Variants in VIPR1 observed in about 807,000 individuals in gnomAD.
The protein encoded by VIPR1 is vasoactive intestinal peptide receptor 1.
Under a neutral mutation model 58.8 loss-of-function variants are expected in VIPR1, and 59 were observed. The observed-to-expected ratio is 1.00, with a 90% CI of 0.81 to 1.25. VIPR1 has a LOEUF of 1.25. Ranked by LOEUF, VIPR1 falls within the 50% of genes most tolerant of loss-of-function variation. The pLI is 0.00. For synonymous variants in VIPR1, 251 were observed against 242.1 expected (o/e 1.04, Z -0.34); for missense variants, 626 against 602.7 (o/e 1.04, Z -0.40).
At chr3:42,528,380 G>A (rs1701353069) in intron 6 of VIPR1, 1 of 527,602 alleles carries the variant, frequency 1.9e-6, no homozygotes, top group Non-Finnish European at 3.4e-6. Context: ...AAAGCAGATG[G>A]GAAATGGGAC....
At chr3:42,532,607 C>T in intron 10 of VIPR1, 1 of 552,148 alleles carries the variant, frequency 1.8e-6, no homozygotes, top group Non-Finnish European at 3.3e-6. Flanking sequence ...AGCCAGGGAG[C>T]TCAAGAGGAC....
At chr3:42,489,491 G>C (rs1699628912) in exon 1 of VIPR1, 1 of 152,288 alleles carries the variant, frequency 6.6e-6, no homozygotes, top group East Asian at 1.9e-4. Flanking sequence ...AACTACGTGG[G>C]TCAAGAGTAA....
At chr3:42,494,447 T>C (rs1031364320) in intron 1 of VIPR1, among the ~76,000 whole-genome samples, 1 of 152,248 alleles carries the variant, frequency 6.6e-6, no homozygotes, top group Non-Finnish European at 1.5e-5. Context: ...CTTATAAAAC[T>C]ATCTGAGCTT....
At chr3:42,533,203 A>G (rs1373195336) in intron 10 of VIPR1, 1 of 152,266 alleles carries the variant, frequency 6.6e-6, no homozygotes, top group Admixed American at 6.5e-5. Flanking sequence ...AAGGCCTTCC[A>G]GTCCTGGGAT....
intron 2 of VIPR1, among the ~76,000 whole-genome samples, chr3:42,518,821 A>G (rs1257705117): frequency 6.6e-6 from 1 of 152,248 alleles, no homozygotes; most frequent in Non-Finnish European, 1.5e-5. Flanking sequence ...TCACCTATAC[A>G]TATGCCCAGT....
intron 1 of VIPR1, among the ~76,000 whole-genome samples, chr3:42,505,357 G>A (rs560618955): frequency 1.3e-5 from 2 of 152,354 alleles, no homozygotes; most frequent in African/African-American, 4.8e-5. Flanking sequence ...CCAGGGACTG[G>A]GAGAGGCTCG....
chr3:42,524,436 C>T (rs141599975), intron 3 of VIPR1, among the ~76,000 whole-genome samples: 4 of 152,152 alleles, frequency 2.6e-5, no homozygotes. Context: ...GTCCAATGCC[C>T]CCTCCTCAAC....
chr3:42,514,003 G>T (rs1224384343), intron 2 of VIPR1, 149 bp downstream of exon 2: 2 of 873,230 alleles, frequency 2.3e-6, no homozygotes, highest in African/African-American at 1.7e-5. Context: ...GAAGAAAGGG[G>T]CTAACAGGCT....
Position 42,536,887 on chromosome 3 carries a change from C to T in VIPR1, c.*606C>T, listed in dbSNP as rs1382382378. On this transcript the variant is annotated 3_prime_UTR_variant, in exon 13 of 13. Transcript: ENST00000325123. ...GTTTTTGTTTGGAGAGCACACCTATCTTAGTGGTTCCCCACCGAAGTGGAC... is the reference window on the plus strand; with the variant it reads ...GTTTTTGTTTGGAGAGCACACCTATTTTAGTGGTTCCCCACCGAAGTGGAC... 1 of 152,230 alleles carries T rather than the reference C, an allele frequency of 6.6e-6. No homozygotes were observed. The highest frequency in any genetic ancestry group is 1.5e-5 in the Non-Finnish European group (1 of 68,074). 9.4% of individuals were successfully genotyped at this position (152,230 alleles called of 1,614,324 possible).
intron 4 of VIPR1, 54 bp from the exon 5 acceptor site, chr3:42,527,339 C>G: frequency 6.4e-7 from 1 of 1,555,708 alleles, no homozygotes; most frequent in South Asian, 1.1e-5. Context: ...CCAATACCCC[C>G]TAGATGAGCC....
rs1356573152 is a variant in VIPR1 at position 42,530,889 on chromosome 3, C to T, written c.747C>T (p.Phe249=). The T allele has an allele frequency of 1.9e-6, 3 of 1,614,104 alleles. No individual in the cohort carries two copies. The highest frequency in any genetic ancestry group is 8.5e-7 in the Non-Finnish European group (1 of 1,179,954). ...ACACCCTGCTTGCCGTCTCCTTCTT[C>T]TCTGAGCGGAAGTACTTCTGGGGGT... ...YLYTLLAVSF[F]SERKYFWGYI... is the part of the protein sequence containing the mutation. The change falls in exon 7 of 13, where the codon TTC becomes TTT. Residue 249 remains phenylalanine (F), a synonymous_variant. Coordinates refer to ENST00000325123, the MANE Select transcript of VIPR1 (RefSeq NM_004624.4).
intron 1 of VIPR1, 128 bp from the exon 2 acceptor site, chr3:42,513,621 T>G (rs1022490668): frequency 7.4e-6 from 7 of 950,474 alleles, no homozygotes; most frequent in Non-Finnish European, 1.1e-5. Context: ...CAGTCTTGGG[T>G]TGGTATTGGG....
chr3:42,501,372 G>C (rs1577194692), upstream of VIPR1, among the ~76,000 whole-genome samples: 1 of 152,144 alleles, frequency 6.6e-6, no homozygotes, highest in East Asian at 1.9e-4. The surrounding 1 kb of genome is among the most constrained non-coding windows in gnomAD (Gnocchi z 4.8). Context: ...ACCTCCTTCA[G>C]GTAGCCGCAC....
intron 3 of VIPR1, among the ~76,000 whole-genome samples, chr3:42,523,999 G>A (rs1701099636): frequency 6.6e-6 from 1 of 152,130 alleles, no homozygotes; most frequent in East Asian, 1.9e-4. Flanking sequence ...TGTATTTTTA[G>A]TAAAGACAGG....
Position 42,528,104 on chromosome 3 carries a change from A to G in VIPR1, c.617A>G (p.Asp206Gly). 1 of 1,613,764 alleles carries G rather than the reference A, an allele frequency of 6.2e-7. No individual in the cohort carries two copies. The highest frequency in any genetic ancestry group is 8.5e-7 in the Non-Finnish European group (1 of 1,179,880). Residue 206 changes from aspartate to glycine, a missense_variant, in exon 6 of 13, where the codon GAC (aspartate) becomes GGC (glycine). Transcript: ENST00000325123. ...GCCCTCTTCGACAGCGGGGAGTCGG[A>G]CCAGTGCTCCGAGGGCTCGGTGAGG... ...DLALFDSGES[D>G]QCSEGSVGCK...
At chr3:42,499,272 A>G (rs960841930), upstream of VIPR1, among the ~76,000 whole-genome samples, 2 of 152,018 alleles carry the variant, frequency 1.3e-5, no homozygotes, top group African/African-American at 2.4e-5. Flanking sequence ...CCTCACCACC[A>G]TGGAGCCCCT....
At chr3:42,489,368 C>G (rs1389480208) in exon 1 of VIPR1, 1 of 152,236 alleles carries the variant, frequency 6.6e-6, no homozygotes, top group Non-Finnish European at 1.5e-5. Flanking sequence ...AGGGCTGATG[C>G]TCATTGGCCC....
rs1034713634 is a variant in VIPR1, at chr3:42,536,097, C to A, written c.1190C>A (p.Ala397Glu). 3.1e-6 allele frequency: 5 copies of A among 1,599,908 alleles called. No homozygotes were observed. In the Admixed American group the frequency reaches 5.1e-5, roughly 16 times the overall value. Residue 397 changes from alanine (A) to glutamate (E), a missense_variant, in exon 13 of 13, where the codon GCG (alanine) becomes GAG (glutamate). Ala to Glu is a moderately radical substitution (Grantham distance 107). Coordinates refer to ENST00000325123, the MANE Select transcript of VIPR1 (RefSeq NM_004624.4). ...LYCFLNGEVQ[A>E]ELRRKWRRWH... ...CACCTTCCCCTCTCCTAGGTGCAGG[C>A]GGAGCTGAGGCGGAAGTGGCGGCGC...
At chr3:42,504,409 G>A (rs1700013585) in intron 1 of VIPR1, among the ~76,000 whole-genome samples, 1 of 151,862 alleles carries the variant, frequency 6.6e-6, no homozygotes, top group Non-Finnish European at 1.5e-5. Flanking sequence ...TATTCGTTTA[G>A]TGCCCAACTC....
Sources: allele counts gnomAD v4.1 joint callset (sites outside exome capture counted in the v4.1 genomes callset), GRCh38; gene constraint gnomAD v4.1.1; non-coding constraint Gnocchi (gnomAD v3.1); transcripts MANE v1.5; gene names NCBI Gene and HGNC (gene_info 2026-07-23, HGNC 2026-07-21).